POLN: variants seen among roughly 807,000 people sequenced by gnomAD.
The protein encoded by POLN is DNA polymerase nu.
A neutral mutation model predicts 113.5 loss-of-function variants in POLN; 108 were observed. That is an observed-to-expected ratio of 0.95 (90% CI 0.81 to 1.12). The LOEUF is 1.12. POLN is among the 50% of genes most tolerant of loss of function. The pLI, the probability that POLN is intolerant of heterozygous loss-of-function variation, is 0.00. For missense variants in POLN, 1,097 were observed against 1,077.1 expected, an observed-to-expected ratio of 1.02 and a Z score of -0.26; for synonymous variants, 386 against 391.5, an observed-to-expected ratio of 0.99 and a Z score of 0.17.
chr4:2,119,274 T>C (rs1731385967), intron 19 of POLN, among the ~76,000 whole-genome samples: 2 of 152,246 alleles, frequency 1.3e-5, no homozygotes, highest in African/African-American at 4.8e-5. Context: ...AGAATTGTTT[T>C]GTATTTGCAT....
chr4:2,173,480 C>A (rs1352823795), intron 11 of POLN, among the ~76,000 whole-genome samples: 1 of 134,756 alleles, frequency 7.4e-6, no homozygotes, highest in Non-Finnish European at 1.6e-5. Flanking sequence ...ATGTTTGCAC[C>A]CTTTAGCCTG....
intron 14 of POLN, among the ~76,000 whole-genome samples, chr4:2,158,782 C>T (rs1005700604): frequency 1.3e-5 from 2 of 152,246 alleles, no homozygotes; most frequent in African/African-American, 4.8e-5. Flanking sequence ...GATGACACAA[C>T]ACTACTACGG....
At chr4:2,128,042 T>C in intron 19 of POLN, 71 bp downstream of exon 19, 1 of 966,188 alleles carries the variant, frequency 1.0e-6, no homozygotes, top group East Asian at 2.5e-5. Context: ...AGCCTTGGAA[T>C]AATTCCAGGC....
intron 19 of POLN, among the ~76,000 whole-genome samples, chr4:2,096,570 GCAGC>G (rs1464953505): frequency 6.6e-6 from 1 of 151,814 alleles, no homozygotes; most frequent in African/African-American, 2.4e-5. Context: ...CAAAGGACAG[GCAGC>G]CTGACATGTA....
At chr4:2,167,111 G>C (rs907768955) in intron 13 of POLN, among the ~76,000 whole-genome samples, 3 of 152,124 alleles carry the variant, frequency 2.0e-5, no homozygotes, top group African/African-American at 7.2e-5. Context: ...AATAAAACAG[G>C]AAGGGCATCT....
At chr4:2,162,425 C>T (rs902897153) in intron 13 of POLN, among the ~76,000 whole-genome samples, 58 of 152,268 alleles carry the variant, frequency 3.8e-4, no homozygotes, top group African/African-American at 1.3e-3. Context: ...ACTCCAGACG[C>T]GCCACCTTAA....
chr4:2,219,258 G>C (rs1734194045), intron 3 of POLN, among the ~76,000 whole-genome samples: 1 of 152,106 alleles, frequency 6.6e-6, no homozygotes, highest in African/African-American at 2.4e-5. Flanking sequence ...TGATACTTTA[G>C]GTCTCCAGGT....
At chr4:2,210,670 C>A (rs983070301) in intron 4 of POLN, among the ~76,000 whole-genome samples, 1 of 148,272 alleles carries the variant, frequency 6.7e-6, no homozygotes, top group Non-Finnish European at 1.5e-5. Flanking sequence ...CGCCTGTAAT[C>A]CCACTATTTT....
chr4:2,136,228 C>T (rs926598689), intron 16 of POLN, among the ~76,000 whole-genome samples: 5 of 152,338 alleles, frequency 3.3e-5, no homozygotes, highest in African/African-American at 7.2e-5. Flanking sequence ...CCCCAAACTA[C>T]GGAGATGGAA....
intron 13 of POLN, among the ~76,000 whole-genome samples, chr4:2,160,450 G>C (rs1270075427): frequency 6.6e-6 from 1 of 151,538 alleles, no homozygotes; most frequent in African/African-American, 2.4e-5. Flanking sequence ...TCTGTTCCCC[G>C]GGCTGGAGTG....
intron 16 of POLN, among the ~76,000 whole-genome samples, chr4:2,133,161 A>AAAAT (rs112864021): frequency 4.0e-5 from 6 of 149,296 alleles, no homozygotes; most frequent in African/African-American, 1.2e-4. Context: ...AAAAAAAAAA[A>AAAAT]AATAACATGC....
chr4:2,114,198 C>T (rs1404856535), intron 19 of POLN, among the ~76,000 whole-genome samples: 1 of 151,884 alleles, frequency 6.6e-6, no homozygotes, highest in Non-Finnish European at 1.5e-5. Context: ...CGTGCCCAGC[C>T]TGCTAATAGT....
intron 5 of POLN, among the ~76,000 whole-genome samples, chr4:2,199,209 T>C (rs1165545349): frequency 6.6e-6 from 1 of 152,148 alleles, no homozygotes; most frequent in East Asian, 1.9e-4. Flanking sequence ...GTGAAATACT[T>C]AAGTATAAAT....
intron 11 of POLN, among the ~76,000 whole-genome samples, chr4:2,173,646 G>A (rs533342950): frequency 6.6e-6 from 1 of 151,932 alleles, no homozygotes; most frequent in South Asian, 2.1e-4. Context: ...CTGTATTTTT[G>A]TTTTTCAAGA....
intron 16 of POLN, among the ~76,000 whole-genome samples, chr4:2,148,122 G>A (rs1487464935): frequency 2.0e-5 from 3 of 152,178 alleles, no homozygotes; most frequent in African/African-American, 4.8e-5. Context: ...GCTAGAGGAA[G>A]TATAGGGAAT....
At chr4:2,164,483 A>G (rs1045222776) in intron 13 of POLN, among the ~76,000 whole-genome samples, 3 of 141,992 alleles carry the variant, frequency 2.1e-5, no homozygotes, top group African/African-American at 8.1e-5. Context: ...CCTGGGCAAC[A>G]AGAGTGAAAC....
At chr4:2,138,794 C>G (rs532480369) in intron 16 of POLN, among the ~76,000 whole-genome samples, 1 of 151,774 alleles carries the variant, frequency 6.6e-6, no homozygotes, top group East Asian at 1.9e-4. Flanking sequence ...CCCAGCTACT[C>G]GGGAGGCTGA....
At chr4:2,171,000 T>G (rs1009520551) in intron 12 of POLN, 98 bp downstream of exon 12, 2 of 1,130,096 alleles carry the variant, frequency 1.8e-6, no homozygotes, top group African/African-American at 1.6e-5. Flanking sequence ...ACTTTTCAGA[T>G]AGTTGACATA....
chr4:2,108,059 C>G (rs1731110106), intron 19 of POLN, among the ~76,000 whole-genome samples: 1 of 152,210 alleles, frequency 6.6e-6, no homozygotes, highest in Admixed American at 6.5e-5. Context: ...TTTCTCCTGA[C>G]TCCTAAACAC....
Sources: allele counts gnomAD v4.1 joint callset (sites outside exome capture counted in the v4.1 genomes callset), GRCh38; gene constraint gnomAD v4.1.1; transcripts MANE v1.5; gene names NCBI Gene and HGNC (gene_info 2026-07-23, HGNC 2026-07-21).